The following XKR6 variants were observed in gnomAD, a reference collection of about 807,000 sequenced individuals.
XKR6 encodes the protein XK related 6.
A neutral mutation model predicts 56.7 loss-of-function variants in XKR6; 22 were observed. The ratio of observed to expected loss-of-function variants is 0.39; its 90% CI spans 0.28 to 0.55. The LOEUF (loss-of-function observed/expected upper bound fraction) is 0.55, where lower values mean the gene tolerates loss of function less well. XKR6 is among the 20% of genes least tolerant of loss of function. The pLI, the probability that XKR6 is intolerant of heterozygous loss-of-function variation, is 0.66. For synonymous variants in XKR6, 524 were observed against 387.8 expected (o/e 1.35, Z -4.13); for missense variants, 852 against 889.0 (o/e 0.96, Z 0.53).
intron 1 of XKR6, among the ~76,000 whole-genome samples, chr8:10,966,197 G>T (rs1334549877): frequency 6.6e-6 from 1 of 152,142 alleles, no homozygotes; most frequent in Non-Finnish European, 1.5e-5. Context: ...GAAACACAGA[G>T]TTTCTCATTC....
intron 1 of XKR6, among the ~76,000 whole-genome samples, chr8:11,000,604 C>G (rs7826561): frequency 0.47 from 72,126 of 152,036 alleles, 21,690 homozygotes; most frequent in African/African-American, 0.85. Flanking sequence ...AGAATTGCTT[C>G]AACCCAGGAG....
chr8:11,069,673 A>T (rs556974932), intron 1 of XKR6, among the ~76,000 whole-genome samples: 16 of 152,000 alleles, frequency 1.1e-4, no homozygotes, highest in African/African-American at 3.9e-4. Context: ...ATCAATAAGC[A>T]AACAGAATAA....
rs151033579 is a variant in XKR6 at position 11,028,342 on chromosome 8, C to T, written c.765-103512G>A. On this transcript the variant is annotated intron_variant, in intron 1 of 2. Coordinates refer to ENST00000416569, the MANE Select transcript of XKR6 (RefSeq NM_173683.4). ...ATCGTTTGCATGGATCACAGTTTAC[C>T]CGTTCACCTGCTGACGGACACCTTG... 6.3e-3 allele frequency among the ~76,000 whole-genome samples: 963 copies of T among 152,274 alleles called. 7 individuals carry two copies. Among genetic ancestry groups the T allele is most frequent in the African/African-American group, 0.02 (840 of 41,554 alleles).
intron 1 of XKR6, among the ~76,000 whole-genome samples, chr8:11,170,016 A>C (rs1802287437): frequency 6.6e-6 from 1 of 152,166 alleles, no homozygotes; most frequent in Admixed American, 6.5e-5. Context: ...TTGAAAATGG[A>C]AGTCTGCAAC....
intron 1 of XKR6, among the ~76,000 whole-genome samples, chr8:11,053,225 G>A (rs868021911): frequency 3.3e-5 from 5 of 152,196 alleles, no homozygotes; most frequent in Non-Finnish European, 7.4e-5. Context: ...CAGTCATCTT[G>A]CTACTTAAAA....
intron 1 of XKR6, among the ~76,000 whole-genome samples, chr8:11,196,031 TACCCACAC>T (rs1283367408): frequency 6.6e-6 from 1 of 151,902 alleles, no homozygotes; most frequent in Non-Finnish European, 1.5e-5. Flanking sequence ...ACTCTCTCTC[TACCCACAC>T]ACCCACACAG....
chr8:11,146,859 A>G (rs1801010978), intron 1 of XKR6, among the ~76,000 whole-genome samples: 1 of 152,044 alleles, frequency 6.6e-6, no homozygotes, highest in Non-Finnish European at 1.5e-5. Context: ...TGTTAAATGA[A>G]ACAAGCCAGA....
At chr8:11,140,296 T>C (rs2116930961) in intron 1 of XKR6, among the ~76,000 whole-genome samples, 1 of 152,258 alleles carries the variant, frequency 6.6e-6, no homozygotes, top group South Asian at 2.1e-4. Flanking sequence ...GTTTTCCGAA[T>C]GAAAAACGAT....
intron 1 of XKR6, among the ~76,000 whole-genome samples, chr8:11,142,620 T>C (rs1409722892): frequency 6.6e-6 from 1 of 152,166 alleles, no homozygotes; most frequent in African/African-American, 2.4e-5. Flanking sequence ...GCTCCAGCTC[T>C]TGCCATGTGA....
intron 1 of XKR6, among the ~76,000 whole-genome samples, chr8:10,948,480 G>C (rs537950287): frequency 3.8e-4 from 58 of 152,292 alleles, no homozygotes; most frequent in Admixed American, 1.2e-3. Context: ...GTTTCCTTAT[G>C]AGTGAGATGA....
At chr8:10,996,590 G>T (rs1244837463) in intron 1 of XKR6, among the ~76,000 whole-genome samples, 1 of 152,160 alleles carries the variant, frequency 6.6e-6, no homozygotes, top group Non-Finnish European at 1.5e-5. Context: ...TTAGGTTTTT[G>T]TCTGCTGTAT....
chr8:10,997,528 T>G (rs1798141548), intron 1 of XKR6, among the ~76,000 whole-genome samples: 1 of 152,238 alleles, frequency 6.6e-6, no homozygotes, highest in Admixed American at 6.5e-5. Flanking sequence ...AAAAAATGAT[T>G]AAGATGCATG....
chr8:11,043,147 C>T (rs1311419001), intron 1 of XKR6, among the ~76,000 whole-genome samples: 1 of 152,110 alleles, frequency 6.6e-6, no homozygotes, highest in Admixed American at 6.5e-5. Context: ...AATATTTAAA[C>T]CTATACAATA....
chr8:10,919,847 GTTC>G (rs144134678), intron 2 of XKR6, among the ~76,000 whole-genome samples: 11,773 of 152,172 alleles, frequency 0.077, 711 homozygotes, highest in African/African-American at 0.17. Context: ...TCATTTATTT[GTTC>G]TTCTGTTTAC....
chr8:10,901,268 C>A (rs1800029420), intron 2 of XKR6, among the ~76,000 whole-genome samples: 1 of 152,036 alleles, frequency 6.6e-6, no homozygotes, highest in Non-Finnish European at 1.5e-5. Context: ...GTTGGCCAGG[C>A]TGGTCTTGAA....
At chr8:11,063,523 A>C (rs1799899013) in intron 1 of XKR6, among the ~76,000 whole-genome samples, 1 of 151,760 alleles carries the variant, frequency 6.6e-6, no homozygotes. Flanking sequence ...TCTCAAAAAA[A>C]AAAAAAAAAA....
intron 1 of XKR6, among the ~76,000 whole-genome samples, chr8:11,101,048 T>G (rs891451678): frequency 2.0e-5 from 3 of 152,202 alleles, no homozygotes; most frequent in South Asian, 4.1e-4. Context: ...AGGCTGTCGC[T>G]AAAACGCTTT....
chr8:11,175,589 A>G (rs1469511187), intron 1 of XKR6: 3 of 152,260 alleles, frequency 2.0e-5, no homozygotes, highest in African/African-American at 7.2e-5. Flanking sequence ...GCATAAAATA[A>G]ATGCAATCAA....
intron 1 of XKR6, among the ~76,000 whole-genome samples, chr8:10,979,999 C>G (rs938646699): frequency 6.6e-5 from 10 of 152,248 alleles, no homozygotes; most frequent in African/African-American, 2.2e-4. Context: ...CTGCCCCGTC[C>G]TGGCTCATGC....
Sources: gnomAD v4.1 joint callset for allele counts (sites outside exome capture counted in the v4.1 genomes callset) on GRCh38, gnomAD v4.1.1 for gene constraint, MANE v1.5 for transcripts, NCBI Gene and HGNC (gene_info 2026-07-23, HGNC 2026-07-21) for gene names.